The following ADAMTS2 variants were observed in gnomAD, a reference collection of about 807,000 sequenced individuals.
ADAMTS2 encodes the protein ADAM metallopeptidase with thrombospondin type 1 motif 2.
ADAMTS2 carries 50 observed loss-of-function variants against 123.0 expected under a neutral mutation model. That is an observed-to-expected ratio of 0.41 (90% CI 0.32 to 0.51). ADAMTS2 has a LOEUF of 0.51. ADAMTS2 is among the 20% of genes least tolerant of loss of function. The pLI is 0.35. For synonymous variants in ADAMTS2, 678 were observed against 695.4 expected, an observed-to-expected ratio of 0.98 and a Z score of 0.39; for missense variants, 1,494 against 1,705.2, an observed-to-expected ratio of 0.88 and a Z score of 2.18.
In ADAMTS2 at chr5:179,137,827, G is replaced by T. The variant is rs1417318214; in HGVS notation, c.1893C>A (p.Asp631Glu). Residue 631 changes from aspartate to glutamate, a missense_variant, in exon 12 of 22, where the codon GAC becomes GAA. Asp to Glu is a conservative substitution (Grantham distance 45). This residue lies in a region of ADAMTS2 where 953 missense variants were observed against 1,124.7 expected (regional missense o/e 0.85). Coordinates refer to ENST00000251582, the MANE Select transcript of ADAMTS2 (RefSeq NM_014244.5). ...GGGCGTCGCCGTGCTCGAAGTACAGGTCCCACTGGCGGCACTGCTCCTCGC... is the reference window on the plus strand; with the variant it reads ...GGGCGTCGCCGTGCTCGAAGTACAGTTCCCACTGGCGGCACTGCTCCTCGC... ...DFREEQCRQW[D>E]LYFEHGDAQH... 4.4e-6 allele frequency: 7 copies of T among 1,577,600 alleles called. No homozygotes were observed. The highest frequency in any genetic ancestry group is 6.0e-6 in the Non-Finnish European group (7 of 1,163,270).
rs1333265799 is a variant in ADAMTS2 at position 179,312,990 on chromosome 5, G to A, written c.534+30777C>T. Reference sequence around the variant, plus strand: ...GAGAGAATTATGGTAGAAGAATGGGGCTGGGAGGGGCAGCAGTGTTGTCAG... The same window carrying A: ...GAGAGAATTATGGTAGAAGAATGGGACTGGGAGGGGCAGCAGTGTTGTCAG... On this transcript the variant is annotated intron_variant, in intron 2 of 21. Transcript: ENST00000251582. The surrounding 1 kb of genome is among the most constrained non-coding windows in gnomAD (Gnocchi z 4.2). 2.6e-5 allele frequency among the ~76,000 whole-genome samples: 4 copies of A among 152,232 alleles called. No individual in the cohort carries two copies. The highest frequency in any genetic ancestry group is 5.9e-5 in the Non-Finnish European group (4 of 68,038).
intron 2 of ADAMTS2, among the ~76,000 whole-genome samples, chr5:179,336,903 G>A (rs1264459805): frequency 6.6e-6 from 1 of 152,192 alleles, no homozygotes; most frequent in Non-Finnish European, 1.5e-5. Flanking sequence ...TGGGGATGGC[G>A]TAGAGCCTGC....
chr5:179,131,306 C>CAAAAAAAAAAAAAAAAAAA (rs553125844), intron 15 of ADAMTS2, among the ~76,000 whole-genome samples: 1 of 22,660 alleles, frequency 4.4e-5, no homozygotes, highest in Non-Finnish European at 1.1e-4. Flanking sequence ...GAGCGAGACT[C>CAAAAAAAAAAAAAAAAAAA]AAAAAAAAAA....
chr5:179,172,560 C>G (rs766682688), intron 5 of ADAMTS2, among the ~76,000 whole-genome samples: 94 of 152,342 alleles, frequency 6.2e-4, no homozygotes, highest in Non-Finnish European at 1.0e-3. Context: ...TCCAAGATTT[C>G]CCATTTCCTT....
chr5:179,343,130 C>T (rs886463727), intron 2 of ADAMTS2, among the ~76,000 whole-genome samples: 5 of 152,190 alleles, frequency 3.3e-5, no homozygotes, highest in Non-Finnish European at 7.3e-5. Context: ...CAATGATTCC[C>T]GGTCAGCCAA....
At position 179,189,519 on chromosome 5, in the gene ADAMTS2, T is replaced by C. The variant is rs1409163820; in HGVS notation, c.892-8364A>G. 4.3e-5 allele frequency among the ~76,000 whole-genome samples: 6 copies of C among 138,318 alleles called. No individual in the cohort carries two copies. The highest frequency in any genetic ancestry group is 2.1e-4 in the East Asian group (1 of 4,824). The allele number at this position is 138,318 out of a possible 152,430, so 90.7% of individuals were successfully genotyped here. On this transcript the variant is annotated intron_variant, in intron 4 of 21. Transcript: ENST00000251582. This position sits in a 1 kb window ranked among gnomAD's most constrained non-coding sequence, Gnocchi z 4.2. ...CCCGCCAGTGCGCCTGGTTTTTTTT[T>C]TTTTTTTTTTTTTTTTTTTAGTAGA...
At chr5:179,139,366 G>A (rs1369345890) in intron 11 of ADAMTS2, among the ~76,000 whole-genome samples, 1 of 152,250 alleles carries the variant, frequency 6.6e-6, no homozygotes, top group East Asian at 1.9e-4. Flanking sequence ...AGGGGCAGGA[G>A]GACAGCACAG....
intron 3 of ADAMTS2, among the ~76,000 whole-genome samples, chr5:179,239,751 G>T (rs11741111): frequency 6.6e-6 from 1 of 151,862 alleles, no homozygotes; most frequent in Non-Finnish European, 1.5e-5. Context: ...ACAGAGCCCT[G>T]GGCGCATCAA....
In ADAMTS2 at chr5:179,317,340, A is replaced by G. The variant is rs2113585977; in HGVS notation, c.534+26427T>C. On this transcript the variant is annotated intron_variant, in intron 2 of 21. Transcript: ENST00000251582. The surrounding 1 kb of genome is among the most constrained non-coding windows in gnomAD (Gnocchi z 4.9). ...GTCGCTGATATGGTAACACAATATC[A>G]CACATCTCATCCAAGCCTGCTCGGA... Among the ~76,000 whole-genome samples the G allele has an allele frequency of 6.6e-6, 1 of 152,172 alleles. No homozygotes were observed. Among genetic ancestry groups the G allele is most frequent in the East Asian group, 1.9e-4 (1 of 5,200 alleles).
chr5:179,331,291 G>C (rs1162347491), intron 2 of ADAMTS2, among the ~76,000 whole-genome samples: 1 of 138,770 alleles, frequency 7.2e-6, no homozygotes, highest in Non-Finnish European at 1.5e-5. Flanking sequence ...AGAATGGAGA[G>C]AAAAGGGAAA....
chr5:179,292,682 C>G (rs1756221321), intron 2 of ADAMTS2, among the ~76,000 whole-genome samples: 1 of 152,018 alleles, frequency 6.6e-6, no homozygotes, highest in African/African-American at 2.4e-5. Flanking sequence ...CAGGAAGGGG[C>G]CTGGGTGGGT....
At chr5:179,323,777 G>GT (rs1757244932) in intron 2 of ADAMTS2, among the ~76,000 whole-genome samples, 1 of 152,218 alleles carries the variant, frequency 6.6e-6, no homozygotes, top group Non-Finnish European at 1.5e-5. Context: ...TATAGAGGCT[G>GT]TAAGATGCAC....
chr5:179,165,136 G>C (rs1367120436), intron 5 of ADAMTS2, among the ~76,000 whole-genome samples: 1 of 152,216 alleles, frequency 6.6e-6, no homozygotes, highest in Non-Finnish European at 1.5e-5. Context: ...TCCCCTGTGG[G>C]TCACTTGGGC....
intron 3 of ADAMTS2, among the ~76,000 whole-genome samples, chr5:179,230,266 T>C (rs1362373560): frequency 6.6e-6 from 1 of 152,082 alleles, no homozygotes; most frequent in African/African-American, 2.4e-5. Context: ...AGGCAGAGGA[T>C]GGGCAATGTG....
chr5:179,154,414 C>T (rs1581156936), intron 7 of ADAMTS2, among the ~76,000 whole-genome samples: 1 of 152,210 alleles, frequency 6.6e-6, no homozygotes, highest in African/African-American at 2.4e-5. Context: ...ATCCTGTCCC[C>T]AGGAGGGGCA....
intron 2 of ADAMTS2, among the ~76,000 whole-genome samples, chr5:179,286,467 G>A (rs1756024651): frequency 6.6e-6 from 1 of 152,070 alleles, no homozygotes; most frequent in Non-Finnish European, 1.5e-5. Flanking sequence ...GGGGTGGCAG[G>A]GGCACATGTC....
intron 9 of ADAMTS2, 114 bp from the exon 10 acceptor site, chr5:179,152,369 T>C: frequency 1.0e-6 from 1 of 999,622 alleles, no homozygotes; most frequent in East Asian, 2.6e-5. Flanking sequence ...TGGCCCATGA[T>C]GGGCCCGTGA....
rs114498520 is a variant in ADAMTS2 at position 179,327,482 on chromosome 5, C to T, written c.534+16285G>A. On this transcript the variant is annotated intron_variant, in intron 2 of 21. Transcript: ENST00000251582. ...TGTGCATGCCCGGTGCACTGCTCCC[C>T]AACCACAGGGGACACCTAACAGACC... is the stretch of plus-strand genomic sequence containing the variant. Among the ~76,000 whole-genome samples the T allele has an allele frequency of 7.7e-3, 1,170 of 152,322 alleles. 16 individuals are homozygous for T. The highest frequency in any genetic ancestry group is 0.026 in the African/African-American group (1,077 of 41,564).
chr5:179,268,830 C>T (rs772573856), intron 3 of ADAMTS2, among the ~76,000 whole-genome samples: 10 of 152,184 alleles, frequency 6.6e-5, no homozygotes, highest in Admixed American at 2.0e-4. Context: ...CCCAGACGGG[C>T]GCCTCCCGGG....
Sources: gnomAD v4.1 joint callset for allele counts (sites outside exome capture counted in the v4.1 genomes callset) on GRCh38, gnomAD v4.1.1 for gene constraint, gnomAD v4.1.1 regional missense constraint, Gnocchi (gnomAD v3.1) non-coding constraint, MANE v1.5 for transcripts, NCBI Gene and HGNC (gene_info 2026-07-23, HGNC 2026-07-21) for gene names.